NPAS3: variants seen among roughly 807,000 people sequenced by gnomAD.
NPAS3 encodes neuronal PAS domain protein 3, also known as neuronal PAS domain-containing protein 3.
A neutral mutation model predicts 73.1 loss-of-function variants in NPAS3; 14 were observed. That is an observed-to-expected ratio of 0.19 (90% confidence interval 0.13 to 0.30). The LOEUF (loss-of-function observed/expected upper bound fraction) is 0.30, where lower values mean the gene tolerates loss of function less well. NPAS3 is among the 10% of genes least tolerant of loss of function. NPAS3 has a pLI of 1.00. For missense variants in NPAS3, 1,096 were observed against 1,250.0 expected, an observed-to-expected ratio of 0.88 and a Z score of 1.86; for synonymous variants, 620 against 541.5, an observed-to-expected ratio of 1.14 and a Z score of -2.01.
At chr14:33,128,851 C>T (rs1445409619) in intron 2 of NPAS3, among the ~76,000 whole-genome samples, 1 of 152,138 alleles carries the variant, frequency 6.6e-6, no homozygotes, top group Non-Finnish European at 1.5e-5. Context: ...GTGATACTTA[C>T]ATCTTAGACA....
chr14:33,038,189 T>A, intron 1 of NPAS3, among the ~76,000 whole-genome samples: 1 of 152,238 alleles, frequency 6.6e-6, no homozygotes, highest in Admixed American at 6.5e-5. Context: ...TGAAATGATT[T>A]TTAAAAATCT....
intron 2 of NPAS3, among the ~76,000 whole-genome samples, chr14:33,139,203 T>TA (rs1460636700): frequency 2.0e-5 from 3 of 152,276 alleles, no homozygotes; most frequent in Admixed American, 2.0e-4. Flanking sequence ...TAAAATCAGA[T>TA]AAAACTGAGC....
chr14:33,521,299 C>G (rs1359044451), intron 4 of NPAS3, among the ~76,000 whole-genome samples: 1 of 152,030 alleles, frequency 6.6e-6, no homozygotes, highest in Non-Finnish European at 1.5e-5. Context: ...ACTGATGTCT[C>G]CTTTAACAGC....
chr14:33,792,681 C>T (rs553934680), intron 9 of NPAS3, among the ~76,000 whole-genome samples: 1 of 152,118 alleles, frequency 6.6e-6, no homozygotes, highest in Non-Finnish European at 1.5e-5. Flanking sequence ...TTTACTACGT[C>T]TTTAGGACTC....
chr14:33,141,031 C>T (rs1165944917), intron 2 of NPAS3, among the ~76,000 whole-genome samples: 1 of 152,198 alleles, frequency 6.6e-6, no homozygotes, highest in Admixed American at 6.5e-5. Context: ...AATTTCTCAA[C>T]AGTTTGTTGT....
At chr14:33,071,129 A>G (rs1183807476) in intron 2 of NPAS3, among the ~76,000 whole-genome samples, 1 of 152,188 alleles carries the variant, frequency 6.6e-6, no homozygotes, top group African/African-American at 2.4e-5. Context: ...TGATTTGTCA[A>G]GTGATTCATT....
At chr14:33,544,825 A>ATATATATATATTATATATATATATATCAT in intron 4 of NPAS3, among the ~76,000 whole-genome samples, 1 of 112,188 alleles carries the variant, frequency 8.9e-6, no homozygotes, top group Admixed American at 9.2e-5. Context: ...TATATAATAT[A>ATATATATATATTATATATATATATATCAT]TATGTGTATA....
At chr14:33,208,379 G>A (rs2046908764) in intron 2 of NPAS3, among the ~76,000 whole-genome samples, 1 of 152,074 alleles carries the variant, frequency 6.6e-6, no homozygotes, top group African/African-American at 2.4e-5. Context: ...GAATGAAAAT[G>A]CTCATTGGCT....
chr14:33,308,596 A>G (rs1261018445), intron 3 of NPAS3, among the ~76,000 whole-genome samples: 1 of 144,216 alleles, frequency 6.9e-6, no homozygotes, highest in African/African-American at 2.6e-5. Context: ...TATATGATCT[A>G]TCTACACACT....
At chr14:33,274,368 G>A (rs948731145) in intron 3 of NPAS3, among the ~76,000 whole-genome samples, 6 of 152,278 alleles carry the variant, frequency 3.9e-5, no homozygotes, top group East Asian at 3.9e-4. Flanking sequence ...AAACATGTCC[G>A]TGAACATGCT....
chr14:33,577,007 CA>C (rs760188488), intron 5 of NPAS3, among the ~76,000 whole-genome samples: 10 of 152,176 alleles, frequency 6.6e-5, no homozygotes, highest in Non-Finnish European at 1.2e-4. Context: ...AACGTGTCAG[CA>C]GGACCCAAGC....
At chr14:33,561,982 G>A (rs536254931) in intron 5 of NPAS3, among the ~76,000 whole-genome samples, 1 of 152,244 alleles carries the variant, frequency 6.6e-6, no homozygotes, top group East Asian at 1.9e-4. Context: ...TGATAGCTAG[G>A]AAAATAATAA....
intron 1 of NPAS3, among the ~76,000 whole-genome samples, chr14:32,994,779 G>T (rs941775249): frequency 2.0e-5 from 3 of 152,008 alleles, no homozygotes; most frequent in Admixed American, 2.0e-4. Context: ...TTACAGGCAT[G>T]TGCCACCATA....
At chr14:33,126,329 C>T (rs557513457) in intron 2 of NPAS3, among the ~76,000 whole-genome samples, 1 of 152,286 alleles carries the variant, frequency 6.6e-6, no homozygotes, top group South Asian at 2.1e-4. Context: ...GCCTGCTGGA[C>T]AGGCTACCAC....
At chr14:33,552,770 C>T (rs1196757715) in intron 4 of NPAS3, among the ~76,000 whole-genome samples, 1 of 152,014 alleles carries the variant, frequency 6.6e-6, no homozygotes, top group African/African-American at 2.4e-5. Flanking sequence ...ATTTTTAGGC[C>T]ATTCAGGACC....
chr14:33,794,269 T>C (rs1478949393), intron 10 of NPAS3, among the ~76,000 whole-genome samples: 1 of 152,238 alleles, frequency 6.6e-6, no homozygotes, highest in Non-Finnish European at 1.5e-5. Flanking sequence ...TTTTCAATCA[T>C]TCTTGGTCTG....
chr14:33,374,005 TTCAGGACACAAATGTGTCCTGTGC>T (rs1314590521), intron 4 of NPAS3, among the ~76,000 whole-genome samples: 2 of 152,130 alleles, frequency 1.3e-5, no homozygotes, highest in Non-Finnish European at 2.9e-5. Context: ...AACCCTCTTG[TTCAGGACACAAATGTGTCCTGTGC>T]TAATAACCTT....
rs1465060447 is a variant in NPAS3, at chr14:33,534,228, A to C, written c.469-25893A>C. Among the ~76,000 whole-genome samples, 4 of 152,156 alleles carry C rather than the reference A, an allele frequency of 2.6e-5. No individual in the cohort carries two copies. In the East Asian group the frequency reaches 7.7e-4, roughly 29 times the overall value. On this transcript the variant is annotated intron_variant, in intron 4 of 11. Coordinates refer to ENST00000356141, the Ensembl canonical transcript of NPAS3. ...ATTTCACAGAGCAGTAAAAAAAAAAAAAAAAAACTCCTTATGTCAGTACTA... is the reference window on the plus strand; with the variant it reads ...ATTTCACAGAGCAGTAAAAAAAAAACAAAAAAACTCCTTATGTCAGTACTA...
At chr14:32,976,195 T>C (rs1285833908) in intron 1 of NPAS3, among the ~76,000 whole-genome samples, 1 of 152,030 alleles carries the variant, frequency 6.6e-6, no homozygotes, top group Non-Finnish European at 1.5e-5. Context: ...GACTCCACTT[T>C]AAGAAGCACT....
Sources: allele counts gnomAD v4.1 joint callset (sites outside exome capture counted in the v4.1 genomes callset), GRCh38; gene constraint gnomAD v4.1.1; transcripts MANE v1.5; gene names NCBI Gene and HGNC (gene_info 2026-07-23, HGNC 2026-07-21).